The following GUCY2C variants were observed in gnomAD, a reference collection of about 807,000 sequenced individuals.
GUCY2C encodes the protein guanylyl cyclase C.
GUCY2C carries 118 observed loss-of-function variants against 131.1 expected under a neutral mutation model. The ratio of observed to expected loss-of-function variants is 0.90; its 90% confidence interval spans 0.78 to 1.05. GUCY2C has a LOEUF of 1.05. GUCY2C is among the 50% of genes least tolerant of loss of function. GUCY2C has a pLI of 0.00. For synonymous variants in GUCY2C, 452 were observed against 457.8 expected, an observed-to-expected ratio of 0.99 and a Z score of 0.16; for missense variants, 1,161 against 1,304.4, an observed-to-expected ratio of 0.89 and a Z score of 1.69.
chr12:14,653,777 C>T lies in GUCY2C; in HGVS notation c.1471-763G>A, dbSNP rs148071441. ...TACCTTACAAGGCCATTTTGAAATG[C>T]GAGTGAAATGACTCTCTGAAGGTCC... On this transcript the variant is annotated intron_variant, in intron 12 of 26. Transcript: ENST00000261170. 1.4e-4 allele frequency among the ~76,000 whole-genome samples: 21 copies of T among 152,250 alleles called. No individual in the cohort carries two copies. The East Asian group carries it at 2.7e-3, about 20-fold the overall frequency.
chr12:14,666,849 G>C (rs1215933111), intron 10 of GUCY2C, among the ~76,000 whole-genome samples: 1 of 152,124 alleles, frequency 6.6e-6, no homozygotes, highest in Non-Finnish European at 1.5e-5. Context: ...TGCTTCATTG[G>C]TAAAGTTTAG....
chr12:14,659,069 G>A (rs1421690166), intron 11 of GUCY2C, among the ~76,000 whole-genome samples: 1 of 149,438 alleles, frequency 6.7e-6, no homozygotes. Flanking sequence ...TTTTTGAGAC[G>A]GAGTCTTGCT....
intron 9 of GUCY2C, among the ~76,000 whole-genome samples, chr12:14,671,709 A>C (rs925105668): frequency 5.9e-5 from 9 of 152,232 alleles, no homozygotes; most frequent in Non-Finnish European, 1.2e-4. Flanking sequence ...TGAGACTGAC[A>C]TTAGATCTCA....
chr12:14,661,003 G>T lies in GUCY2C; in HGVS notation c.1342C>A (p.Leu448Ile). Residue 448 changes from leucine to isoleucine, a missense_variant, in exon 11 of 27, where the codon CTC (leucine) becomes ATC (isoleucine). Leu to Ile is a conservative substitution (Grantham distance 5). Coordinates refer to ENST00000261170, the MANE Select transcript of GUCY2C (RefSeq NM_004963.4). ...TACCTGAGCATCAGGAGAGCGACGAGCAGGAGCAGCACCACAGCTCCAGTG... is the reference window on the plus strand; with the variant it reads ...TACCTGAGCATCAGGAGAGCGACGATCAGGAGCAGCACCACAGCTCCAGTG... ...TLTGAVVLLL[L>I]VALLMLRKYR... 6.2e-7 allele frequency: 1 copy of T among 1,612,170 alleles called. No individual in the cohort carries two copies. The highest frequency in any genetic ancestry group is 8.5e-7 in the Non-Finnish European group (1 of 1,178,260).
At chr12:14,643,835 C>A in intron 16 of GUCY2C, 129 bp from the exon 17 acceptor site, 1 of 774,590 alleles carries the variant, frequency 1.3e-6, no homozygotes. Flanking sequence ...TAATTTTAGT[C>A]CCACTATTTT....
chr12:14,684,135 C>G (rs949789154), intron 3 of GUCY2C, among the ~76,000 whole-genome samples: 1 of 152,138 alleles, frequency 6.6e-6, no homozygotes, highest in Non-Finnish European at 1.5e-5. Flanking sequence ...CATTCCCAAG[C>G]TTAAAACCTT....
At chr12:14,661,238 G>A (rs1947861296) in intron 10 of GUCY2C, among the ~76,000 whole-genome samples, 176 bp from the exon 11 acceptor site, 1 of 152,098 alleles carries the variant, frequency 6.6e-6, no homozygotes, top group Non-Finnish European at 1.5e-5. Context: ...TGACAGCCTT[G>A]TCTGGCATTG....
chr12:14,696,186 A>T, intron 1 of GUCY2C, 46 bp downstream of exon 1: 1 of 1,446,792 alleles, frequency 6.9e-7, no homozygotes, highest in Non-Finnish European at 9.7e-7. Context: ...TTTTGTCCCC[A>T]GAGGTAGTAA....
intron 8 of GUCY2C, 159 bp downstream of exon 8, chr12:14,674,466 G>A (rs751100953): frequency 2.6e-6 from 2 of 757,044 alleles, no homozygotes; most frequent in Non-Finnish European, 4.7e-6. Context: ...ATCAATAACA[G>A]CACCCTCAAA....
At chr12:14,641,782 C>G (rs1329765162) in intron 17 of GUCY2C, among the ~76,000 whole-genome samples, 2 of 151,896 alleles carry the variant, frequency 1.3e-5, no homozygotes, top group Non-Finnish European at 2.9e-5. Flanking sequence ...ACTAAAAATA[C>G]AAAAATTAGC....
At chr12:14,655,924 T>C (rs1947753511) in intron 12 of GUCY2C, among the ~76,000 whole-genome samples, 1 of 152,204 alleles carries the variant, frequency 6.6e-6, no homozygotes. Context: ...GTTGTATGTG[T>C]CCCTGCACTG....
rs1946999018 is a variant in GUCY2C at position 14,625,690 on chromosome 12, T to C, written c.2408+67A>G. 2.7e-6 allele frequency: 4 copies of C among 1,493,540 alleles called. No individual in the cohort carries two copies. The East Asian group carries it at 6.8e-5, about 25-fold the overall frequency. The allele number at this position is 1,493,540 out of a possible 1,614,324, so 92.5% of individuals were successfully genotyped here. A position where few individuals can be genotyped will look rare whatever the true frequency, so the allele number is the denominator to read the frequency against. On this transcript the variant is annotated intron_variant, in intron 21 of 26. Transcript: ENST00000261170. Reference sequence around the variant, plus strand: ...AGAATATATAAAAGGAAACAAATCCTATATAGATACAATGAAAAGCAATGC... The same window carrying C: ...AGAATATATAAAAGGAAACAAATCCCATATAGATACAATGAAAAGCAATGC...
At chr12:14,635,727 A>T (rs1201397261) in intron 19 of GUCY2C, among the ~76,000 whole-genome samples, 1 of 152,134 alleles carries the variant, frequency 6.6e-6, no homozygotes, top group Non-Finnish European at 1.5e-5. Flanking sequence ...CCAAGAAAAA[A>T]ATGAGAGAAG....
intron 5 of GUCY2C, 99 bp downstream of exon 5, chr12:14,681,257 G>T: frequency 9.9e-7 from 1 of 1,005,538 alleles, no homozygotes; most frequent in Non-Finnish European, 1.5e-6. Flanking sequence ...GAGTAAGGAT[G>T]ATAGCTCTGC....
chr12:14,645,464 GTGT>G (rs1475486615), intron 15 of GUCY2C, 149 bp from the exon 16 acceptor site: 4 of 572,232 alleles, frequency 7.0e-6, no homozygotes, highest in South Asian at 2.1e-5. Flanking sequence ...TCATGAACCT[GTGT>G]TTTTTCCTTT....
At chr12:14,619,020 T>A (rs950336398) in intron 24 of GUCY2C, 191 bp downstream of exon 24, 2 of 519,902 alleles carry the variant, frequency 3.8e-6, no homozygotes, top group African/African-American at 3.9e-5. Context: ...ATAAAATAAT[T>A]ATCAGTAAAC....
At chr12:14,686,713 G>T (rs547789115) in intron 2 of GUCY2C, among the ~76,000 whole-genome samples, 2 of 152,252 alleles carry the variant, frequency 1.3e-5, no homozygotes, top group East Asian at 3.9e-4. Context: ...ATCTGGTTGG[G>T]ACCATCTCAT....
intron 12 of GUCY2C, among the ~76,000 whole-genome samples, chr12:14,653,910 C>T (rs1947713520): frequency 1.3e-5 from 2 of 152,306 alleles, no homozygotes; most frequent in South Asian, 4.1e-4. Flanking sequence ...CATTAAATGT[C>T]ACATAAAAAG....
At chr12:14,625,189 G>C (rs570737931) in intron 21 of GUCY2C, among the ~76,000 whole-genome samples, 9 of 152,200 alleles carry the variant, frequency 5.9e-5, no homozygotes, top group African/African-American at 2.2e-4. Context: ...GAGATTTTGA[G>C]GTCAGAGTTA....
Sources: gnomAD v4.1 joint callset for allele counts (sites outside exome capture counted in the v4.1 genomes callset) on GRCh38, gnomAD v4.1.1 for gene constraint, MANE v1.5 for transcripts, NCBI Gene and HGNC (gene_info 2026-07-23, HGNC 2026-07-21) for gene names.